Variants in ELAVL2 observed in about 807,000 individuals in gnomAD.
ELAVL2 encodes the protein ELAV-like protein 2.
Under a neutral mutation model 34.6 loss-of-function variants are expected in ELAVL2, and 4 were observed. That is an observed-to-expected ratio of 0.12 (90% CI 0.06 to 0.26). The LOEUF is 0.26. Among genes scored for constraint, ELAVL2 ranks in the 10% least tolerant of loss-of-function variants. The pLI is 1.00. For missense variants in ELAVL2, 432 were observed against 442.8 expected (o/e 0.98, Z 0.22); for synonymous variants, 193 against 154.8 (o/e 1.25, Z -1.83).
intron 2 of ELAVL2, among the ~76,000 whole-genome samples, chr9:23,732,591 G>C (rs2046846542): frequency 6.6e-6 from 1 of 152,096 alleles, no homozygotes; most frequent in South Asian, 2.1e-4. Context: ...TGTGTTTACT[G>C]CATGCATTGT....
At chr9:23,752,705 T>A (rs139557719) in intron 2 of ELAVL2, among the ~76,000 whole-genome samples, 2,297 of 152,228 alleles carry the variant, frequency 0.015, 56 homozygotes, top group African/African-American at 0.053. Flanking sequence ...TCTGCCCACC[T>A]TGGCCTCCCA....
At chr9:23,849,625 A>T in the ELAVL2 span, 2 of 152,148 alleles carry the variant, frequency 1.3e-5, no homozygotes, top group Non-Finnish European at 2.9e-5. Context: ...CCTTCCCTGC[A>T]CCTCTCCCCT....
intron 5 of ELAVL2, among the ~76,000 whole-genome samples, chr9:23,698,651 T>C (rs16907618): frequency 6.6e-6 from 1 of 151,860 alleles, no homozygotes; most frequent in Non-Finnish European, 1.5e-5. Flanking sequence ...GGACAAAATA[T>C]ATCTGTGTGA....
chr9:23,818,633 A>T (rs1021730273), intron 1 of ELAVL2, among the ~76,000 whole-genome samples: 1 of 152,208 alleles, frequency 6.6e-6, no homozygotes, highest in Non-Finnish European at 1.5e-5. Flanking sequence ...TGTCAACAAA[A>T]AAGTAACCAA....
In ELAVL2 at chr9:23,733,417, G is replaced by T. The variant is rs186543871; in HGVS notation, c.230-2292C>A. On this transcript the variant is annotated intron_variant, in intron 2 of 6. Coordinates refer to ENST00000397312, the MANE Select transcript of ELAVL2 (RefSeq NM_004432.5). Reference sequence around the variant, plus strand: ...GGTACTAGCTTTTTAAAATCCTGGTGACTAACGTACAACCACCATGTTGAG... The same window carrying T: ...GGTACTAGCTTTTTAAAATCCTGGTTACTAACGTACAACCACCATGTTGAG... Among the ~76,000 whole-genome samples the T allele has an allele frequency of 1.4e-3, 214 of 152,220 alleles. 2 individuals are homozygous for T. Among genetic ancestry groups the T allele is most frequent in the Middle Eastern group, 6.8e-3 (2 of 294 alleles).
intron 2 of ELAVL2, among the ~76,000 whole-genome samples, chr9:23,759,665 T>C (rs2054403001): frequency 6.7e-6 from 1 of 149,426 alleles, no homozygotes; most frequent in Non-Finnish European, 1.5e-5. Flanking sequence ...ACTCCACAAA[T>C]TTGTTCAATT....
intron 6 of ELAVL2, 34 bp downstream of exon 6, chr9:23,693,414 A>G (rs761514986): frequency 2.5e-6 from 4 of 1,612,774 alleles, no homozygotes; most frequent in Non-Finnish European, 3.4e-6. Context: ...AACTGTGGAA[A>G]GGGATTATGA....
chr9:23,708,717 C>A (rs776388132), intron 3 of ELAVL2, among the ~76,000 whole-genome samples: 1 of 152,182 alleles, frequency 6.6e-6, no homozygotes, highest in Non-Finnish European at 1.5e-5. Context: ...TCTCGGCTCA[C>A]TGTAACCTCT....
intron 5 of ELAVL2, among the ~76,000 whole-genome samples, chr9:23,695,592 C>G (rs773799221): frequency 2.0e-5 from 3 of 152,114 alleles, no homozygotes; most frequent in Non-Finnish European, 4.4e-5. Flanking sequence ...CTTATACAAA[C>G]CTAGATGGTA....
At chr9:23,828,407 T>G (rs1425696834), upstream of ELAVL2, among the ~76,000 whole-genome samples, 1 of 151,332 alleles carries the variant, frequency 6.6e-6, no homozygotes, top group Non-Finnish European at 1.5e-5. Context: ...AAACTAATAC[T>G]TTTTTTGGTG....
intron 3 of ELAVL2, 146 bp downstream of exon 3, chr9:23,730,876 T>C (rs997709786): frequency 7.3e-6 from 5 of 684,426 alleles, no homozygotes; most frequent in African/African-American, 3.6e-5. Context: ...GTTTCTTCCA[T>C]CTTGCAACAA....
rs201050464 is a variant in ELAVL2, at chr9:23,762,159, A to C, written c.76T>G (p.Ser26Ala). 71 of 1,613,570 alleles carry C rather than the reference A, an allele frequency of 4.4e-5. No homozygotes were observed. Among genetic ancestry groups the C allele is most frequent in the Non-Finnish European group, 5.5e-5 (65 of 1,179,670 alleles). The part of the protein sequence containing the change: ...NGPTTINNNC[S>A]SPVDSGNTED... ...GTGTTCCCAGAGTCAACTGGTGACG[A>C]ACAGTTGTTGTTTATGGTGGTTGGA... Residue 26 changes from serine to alanine, a missense_variant, in exon 2 of 7, where the codon TCG becomes GCG. Physicochemically the swap from Ser to Ala is moderately conservative, Grantham distance 99. Transcript: ENST00000397312.
At chr9:23,746,375 T>A (rs1445499848) in intron 2 of ELAVL2, among the ~76,000 whole-genome samples, 1 of 152,172 alleles carries the variant, frequency 6.6e-6, no homozygotes, top group African/African-American at 2.4e-5. Flanking sequence ...ATTGTTTCAA[T>A]GGAGTTCTAG....
At chr9:23,763,313 C>T (rs1381825147) in intron 1 of ELAVL2, among the ~76,000 whole-genome samples, 2 of 152,056 alleles carry the variant, frequency 1.3e-5, no homozygotes, top group African/African-American at 4.8e-5. Context: ...AAAACCAATC[C>T]TATGCAAAAG....
intron 2 of ELAVL2, among the ~76,000 whole-genome samples, chr9:23,742,031 A>G (rs1191857242): frequency 6.6e-6 from 1 of 152,174 alleles, no homozygotes; most frequent in Admixed American, 6.5e-5. Context: ...CCTTGGCATG[A>G]TAACATCTGG....
chr9:23,697,179 T>C (rs2035554742), intron 5 of ELAVL2, among the ~76,000 whole-genome samples: 1 of 151,848 alleles, frequency 6.6e-6, no homozygotes, highest in Non-Finnish European at 1.5e-5. Context: ...ATGACCTCCA[T>C]TTAAAGAAAA....
intron 1 of ELAVL2, among the ~76,000 whole-genome samples, chr9:23,777,902 A>G (rs1257981136): frequency 1.3e-5 from 2 of 152,180 alleles, no homozygotes; most frequent in African/African-American, 4.8e-5. Flanking sequence ...AATCTTTTTT[A>G]TCCACCAAGG....
chr9:23,782,633 G>A (rs929643903), intron 1 of ELAVL2, among the ~76,000 whole-genome samples: 11 of 152,096 alleles, frequency 7.2e-5, no homozygotes, highest in African/African-American at 2.7e-4. Flanking sequence ...AAGAGCTTAA[G>A]CCATTTTAAA....
intron 1 of ELAVL2, among the ~76,000 whole-genome samples, chr9:23,809,792 T>A (rs980427541): frequency 6.6e-6 from 1 of 152,172 alleles, no homozygotes; most frequent in Non-Finnish European, 1.5e-5. Flanking sequence ...TCATTTTGAA[T>A]CTGTAATTCT....
Sources: gnomAD v4.1 joint callset for allele counts (sites outside exome capture counted in the v4.1 genomes callset) on GRCh38, gnomAD v4.1.1 for gene constraint, MANE v1.5 for transcripts, NCBI Gene and HGNC (gene_info 2026-07-23, HGNC 2026-07-21) for gene names.